The following PTPRN2 variants were observed in gnomAD, a reference collection of about 807,000 sequenced individuals.
PTPRN2 encodes protein tyrosine phosphatase receptor type N2.
A neutral mutation model predicts 118.8 loss-of-function variants in PTPRN2; 74 were observed. The ratio of observed to expected loss-of-function variants is 0.62; its 90% CI spans 0.52 to 0.76. The LOEUF (loss-of-function observed/expected upper bound fraction) is 0.76, where lower values mean the gene tolerates loss of function less well. Ranked by LOEUF, PTPRN2 falls within the 30% of genes least tolerant of loss-of-function variation. PTPRN2 has a pLI of 0.00. For missense variants in PTPRN2, 1,481 were observed against 1,394.4 expected (o/e 1.06, Z -0.99); for synonymous variants, 641 against 608.0 (o/e 1.05, Z -0.80).
At chr7:158,387,643 C>T (rs1010850149) in intron 2 of PTPRN2, among the ~76,000 whole-genome samples, 17 of 46,348 alleles carry the variant, frequency 3.7e-4, no homozygotes, top group Middle Eastern at 9.4e-3. Context: ...CCTGGGAAGA[C>T]GCGGTGGCCA....
intron 3 of PTPRN2, among the ~76,000 whole-genome samples, chr7:158,213,118 A>T (rs1306409693): frequency 6.6e-6 from 1 of 152,094 alleles, no homozygotes; most frequent in Non-Finnish European, 1.5e-5. Context: ...TTATCTAATC[A>T]CTAAATATCA....
chr7:158,320,526 TGGCGTCCGTGTTCCCGCGTCCTCGGCAGC>T (rs1802918074), intron 2 of PTPRN2, among the ~76,000 whole-genome samples: 7 of 56,296 alleles, frequency 1.2e-4, no homozygotes, highest in Non-Finnish European at 2.8e-4. Flanking sequence ...CAGCGCCAGG[TGGCGTCCGTGTTCCCGCGTCCTCGGCAGC>T]GCCGGGTGGC....
rs143521942 is a variant in PTPRN2 at position 157,736,616 on chromosome 7, A to G, written c.1789-53679T>C. 3.6e-3 allele frequency among the ~76,000 whole-genome samples: 535 copies of G among 150,028 alleles called. 4 individuals are homozygous for G. The highest frequency in any genetic ancestry group is 0.012 in the African/African-American group (502 of 40,902). ...TGAGAACAGACGTGTCCTGCAGTTT[A>G]ATGCACCCAGTCTGTGGTCCTGGGC... On this transcript the variant is annotated intron_variant, in intron 12 of 22. Coordinates refer to ENST00000389418, the MANE Select transcript of PTPRN2 (RefSeq NM_002847.5).
intron 11 of PTPRN2, among the ~76,000 whole-genome samples, chr7:157,900,129 G>T (rs1160251846): frequency 6.6e-6 from 1 of 152,204 alleles, no homozygotes; most frequent in Non-Finnish European, 1.5e-5. Context: ...GAAAACGGCA[G>T]CCCCAGCCCA....
intron 20 of PTPRN2, among the ~76,000 whole-genome samples, chr7:157,571,172 G>A (rs1048782856): frequency 3.0e-5 from 4 of 132,600 alleles, no homozygotes; most frequent in African/African-American, 8.7e-5. Flanking sequence ...ACGAGACCAC[G>A]CCATTGCACT....
chr7:158,004,858 C>T (rs1361636399), intron 11 of PTPRN2, among the ~76,000 whole-genome samples: 2 of 152,266 alleles, frequency 1.3e-5, no homozygotes, highest in Admixed American at 1.3e-4. Flanking sequence ...TTCTGTTCCT[C>T]TCATGATAAT....
intron 3 of PTPRN2, among the ~76,000 whole-genome samples, chr7:158,297,127 C>T (rs142689200): frequency 2.0e-5 from 3 of 152,338 alleles, no homozygotes; most frequent in East Asian, 3.9e-4. Context: ...GATCCAGTCC[C>T]GGAGGGACCA....
intron 12 of PTPRN2, among the ~76,000 whole-genome samples, chr7:157,891,973 C>T (rs1041764434): frequency 5.3e-5 from 8 of 152,226 alleles, no homozygotes; most frequent in African/African-American, 7.2e-5. Flanking sequence ...CTCTTGTTCA[C>T]GCTCCTGAGC....
chr7:157,595,655 G>A (rs1038664924), intron 16 of PTPRN2, among the ~76,000 whole-genome samples: 3 of 146,196 alleles, frequency 2.1e-5, no homozygotes, highest in Non-Finnish European at 3.0e-5. Context: ...TAGGAAGCCC[G>A]GAAGTTAGGG....
intron 12 of PTPRN2, among the ~76,000 whole-genome samples, chr7:157,738,822 T>C (rs574502850): frequency 2.0e-5 from 3 of 152,120 alleles, no homozygotes; most frequent in African/African-American, 7.2e-5. Flanking sequence ...AGGGGCATCA[T>C]GTCCTTAGGA....
rs74793004 is a variant in PTPRN2 at position 158,283,276 on chromosome 7, C to T, written c.277+33543G>A. Reference sequence around the variant, plus strand: ...ACAAACTCCTATGTGGGAAATGAACCGAGGCTGTGAGCCTCAGGCAGCTCC... The same window carrying T: ...ACAAACTCCTATGTGGGAAATGAACTGAGGCTGTGAGCCTCAGGCAGCTCC... On this transcript the variant is annotated intron_variant, in intron 3 of 22. Transcript: ENST00000389418. 4.2e-3 allele frequency among the ~76,000 whole-genome samples: 634 copies of T among 152,298 alleles called. 9 individuals are homozygous for T. The highest frequency in any genetic ancestry group is 0.014 in the African/African-American group (582 of 41,562).
At chr7:158,149,422 G>T (rs1053039525) in intron 6 of PTPRN2, among the ~76,000 whole-genome samples, 4 of 148,622 alleles carry the variant, frequency 2.7e-5, no homozygotes, top group Admixed American at 1.4e-4. Flanking sequence ...TGTATAAGAT[G>T]TTACCTTTTC....
At chr7:158,171,069 T>C (rs199914652) in intron 5 of PTPRN2, among the ~76,000 whole-genome samples, 6 of 53,848 alleles carry the variant, frequency 1.1e-4, no homozygotes, top group South Asian at 5.5e-4. Context: ...ATATACACAT[T>C]ATATACACAT....
At chr7:158,206,313 T>G (rs1827139370) in intron 3 of PTPRN2, among the ~76,000 whole-genome samples, 1 of 152,228 alleles carries the variant, frequency 6.6e-6, no homozygotes, top group Non-Finnish European at 1.5e-5. Flanking sequence ...GTGACATTTC[T>G]AGACACACCT....
Position 157,619,018 on chromosome 7 carries a change from G to T in PTPRN2, c.2344+2344C>A, listed in dbSNP as rs1479510517. Reference sequence around the variant, plus strand: ...CCTGATCCCCATGAGAACATCAGGCGCCCATCCACATGTGGCCACCCTGTT... The same window carrying T: ...CCTGATCCCCATGAGAACATCAGGCTCCCATCCACATGTGGCCACCCTGTT... On this transcript the variant is annotated intron_variant, in intron 15 of 22. Coordinates refer to ENST00000389418, the MANE Select transcript of PTPRN2 (RefSeq NM_002847.5). The surrounding 1 kb of genome is among the most constrained non-coding windows in gnomAD (Gnocchi z 5.3). Among the ~76,000 whole-genome samples the T allele has an allele frequency of 6.6e-6, 1 of 152,022 alleles. No individual in the cohort carries two copies. Among genetic ancestry groups the T allele is most frequent in the Non-Finnish European group, 1.5e-5 (1 of 68,006 alleles).
chr7:158,485,242 G>A (rs1443230440), intron 2 of PTPRN2, among the ~76,000 whole-genome samples: 2 of 152,054 alleles, frequency 1.3e-5, no homozygotes, highest in Admixed American at 6.5e-5. Context: ...CGGAGAGCGC[G>A]ACTTGCTCCT....
At chr7:158,294,693 G>C (rs879516223) in intron 3 of PTPRN2, among the ~76,000 whole-genome samples, 15 of 152,184 alleles carry the variant, frequency 9.9e-5, no homozygotes, top group Non-Finnish European at 1.9e-4. Flanking sequence ...AGGCAGGAAA[G>C]ACATCCAGCC....
chr7:158,507,837 A>C (rs1232974944), intron 1 of PTPRN2, among the ~76,000 whole-genome samples: 1 of 148,862 alleles, frequency 6.7e-6, no homozygotes, highest in Non-Finnish European at 1.5e-5. Flanking sequence ...GCATGCACGG[A>C]GGTCAGTGAG....
intron 11 of PTPRN2, among the ~76,000 whole-genome samples, chr7:157,985,873 C>T (rs541922630): frequency 2.6e-5 from 4 of 151,910 alleles, no homozygotes; most frequent in South Asian, 4.2e-4. Context: ...AAGATGCCAC[C>T]GCGTGTGAAA....
Sources: allele counts gnomAD v4.1 joint callset (sites outside exome capture counted in the v4.1 genomes callset), GRCh38; gene constraint gnomAD v4.1.1; non-coding constraint Gnocchi (gnomAD v3.1); transcripts MANE v1.5; gene names NCBI Gene and HGNC (gene_info 2026-07-23, HGNC 2026-07-21).